Variants in SNTG1 observed in about 807,000 individuals in gnomAD.
The protein encoded by SNTG1 is gamma-1-syntrophin.
Under a neutral mutation model 74.7 loss-of-function variants are expected in SNTG1, and 39 were observed. The ratio of observed to expected loss-of-function variants is 0.52; its 90% CI spans 0.40 to 0.68. The LOEUF is 0.68. Among genes scored for constraint, SNTG1 ranks in the 30% least tolerant of loss-of-function variants. The pLI is 0.00. For synonymous variants in SNTG1, 254 were observed against 217.1 expected, an observed-to-expected ratio of 1.17 and a Z score of -1.49; for missense variants, 685 against 609.5, an observed-to-expected ratio of 1.12 and a Z score of -1.30.
chr8:50,113,688 T>A (rs1257086346), intron 1 of SNTG1, among the ~76,000 whole-genome samples: 1 of 152,198 alleles, frequency 6.6e-6, no homozygotes, highest in Non-Finnish European at 1.5e-5. Context: ...GCTTCCAGTT[T>A]TTGCCCATTC....
intron 1 of SNTG1, among the ~76,000 whole-genome samples, chr8:50,087,609 T>C (rs1020544396): frequency 2.0e-5 from 3 of 152,176 alleles, no homozygotes; most frequent in African/African-American, 7.2e-5. Context: ...ATATTCTACT[T>C]AGTTCTGTGT....
At chr8:50,562,354 T>G (rs2094493358) in intron 12 of SNTG1, among the ~76,000 whole-genome samples, 1 of 152,204 alleles carries the variant, frequency 6.6e-6, no homozygotes, top group Admixed American at 6.5e-5. Flanking sequence ...TGTGATTCTC[T>G]ACAAGTGTAA....
chr8:50,577,661 G>A (rs545246354), intron 12 of SNTG1, among the ~76,000 whole-genome samples: 1 of 152,132 alleles, frequency 6.6e-6, no homozygotes, highest in South Asian at 2.1e-4. Context: ...GGAACACTGT[G>A]TTATATGTTG....
intron 2 of SNTG1, among the ~76,000 whole-genome samples, chr8:50,305,129 G>A (rs1217595132): frequency 6.6e-6 from 1 of 150,690 alleles, no homozygotes; most frequent in East Asian, 1.9e-4. Context: ...TCAAACTCCT[G>A]ACCTCAGGTG....
chr8:50,228,243 T>C (rs984259481), intron 2 of SNTG1, among the ~76,000 whole-genome samples: 20 of 151,666 alleles, frequency 1.3e-4, no homozygotes, highest in African/African-American at 4.8e-4. Flanking sequence ...GAAACTAAAA[T>C]ATAAAAAGCA....
At chr8:50,499,398 A>T (rs1281652789) in intron 8 of SNTG1, among the ~76,000 whole-genome samples, 2 of 149,014 alleles carry the variant, frequency 1.3e-5, no homozygotes, top group African/African-American at 4.9e-5. Flanking sequence ...TGCTAGAAAG[A>T]TTAGTTATGA....
At chr8:50,171,491 A>G (rs1449368759) in intron 1 of SNTG1, among the ~76,000 whole-genome samples, 2 of 152,096 alleles carry the variant, frequency 1.3e-5, no homozygotes, top group African/African-American at 4.8e-5. Flanking sequence ...AGCTGATTAG[A>G]TTGTGCCCAT....
intron 1 of SNTG1, among the ~76,000 whole-genome samples, chr8:49,991,314 A>G (rs1329597135): frequency 6.6e-6 from 1 of 152,144 alleles, no homozygotes; most frequent in African/African-American, 2.4e-5. Context: ...GGGATATGAA[A>G]AAATTGGAGC....
intron 2 of SNTG1, among the ~76,000 whole-genome samples, chr8:50,222,303 C>T (rs1335217120): frequency 6.6e-6 from 1 of 152,126 alleles, no homozygotes; most frequent in South Asian, 2.1e-4. Context: ...GAGGGAGGGG[C>T]TACTATCATT....
chr8:50,047,961 T>C (rs1210731581), intron 1 of SNTG1, among the ~76,000 whole-genome samples: 1 of 152,192 alleles, frequency 6.6e-6, no homozygotes, highest in Non-Finnish European at 1.5e-5. Context: ...ATAATCATAC[T>C]AATTTCAAGG....
intron 2 of SNTG1, among the ~76,000 whole-genome samples, chr8:50,328,582 C>A (rs559607050): frequency 2.0e-4 from 31 of 152,258 alleles, no homozygotes; most frequent in Admixed American, 1.7e-3. Flanking sequence ...ACCATCAGAT[C>A]TCATGAGAAT....
intron 2 of SNTG1, among the ~76,000 whole-genome samples, chr8:50,176,695 C>T (rs2083011827): frequency 6.6e-6 from 1 of 152,130 alleles, no homozygotes; most frequent in Non-Finnish European, 1.5e-5. Flanking sequence ...AACTGGTGTA[C>T]CACAATGTAT....
chr8:50,526,630 A>C (rs1185175089), intron 9 of SNTG1, among the ~76,000 whole-genome samples: 1 of 127,208 alleles, frequency 7.9e-6, no homozygotes, highest in Admixed American at 8.9e-5. Context: ...TGTATACACA[A>C]ACACATATAT....
Position 49,960,965 on chromosome 8 carries a change from G to T in SNTG1, c.-103+48734G>T, listed in dbSNP as rs141740123. 3.7e-3 allele frequency among the ~76,000 whole-genome samples: 567 copies of T among 152,274 alleles called. 7 individuals are homozygous for T. The highest frequency in any genetic ancestry group is 0.011 in the African/African-American group (469 of 41,564). On this transcript the variant is annotated intron_variant, in intron 1 of 18. Transcript: ENST00000642720. ...GGAAGAGCATTATCAGGAGCGGAAA[G>T]TTACCTGTATAGGAAAATGTGCTTT...
At chr8:50,575,357 C>G (rs1460315643) in intron 12 of SNTG1, among the ~76,000 whole-genome samples, 1 of 152,148 alleles carries the variant, frequency 6.6e-6, no homozygotes, top group Non-Finnish European at 1.5e-5. Flanking sequence ...GCCAAACACA[C>G]CTACTTCTAA....
At chr8:50,203,360 GTTTCTC>G (rs2084065545) in intron 2 of SNTG1, among the ~76,000 whole-genome samples, 2 of 152,164 alleles carry the variant, frequency 1.3e-5, no homozygotes, top group Admixed American at 1.3e-4. Flanking sequence ...AATCTCAGCT[GTTTCTC>G]TGTGTTCACC....
chr8:50,195,213 G>A (rs1289366296), intron 2 of SNTG1, among the ~76,000 whole-genome samples: 1 of 151,968 alleles, frequency 6.6e-6, no homozygotes, highest in Admixed American at 6.6e-5. Context: ...AGGTCATCAG[G>A]GAAGTGGGGG....
At chr8:50,344,821 C>T (rs1195951283) in intron 2 of SNTG1, among the ~76,000 whole-genome samples, 1 of 152,328 alleles carries the variant, frequency 6.6e-6, no homozygotes, top group East Asian at 1.9e-4. Context: ...ACAGCCCTAA[C>T]CCCTAGTACC....
chr8:50,509,327 T>G (rs1218572982), intron 9 of SNTG1, among the ~76,000 whole-genome samples: 1 of 152,192 alleles, frequency 6.6e-6, no homozygotes, highest in Non-Finnish European at 1.5e-5. Context: ...ACTGTAGCCT[T>G]GTAGTTTGAA....
Sources: gnomAD v4.1 joint callset for allele counts (sites outside exome capture counted in the v4.1 genomes callset) on GRCh38, gnomAD v4.1.1 for gene constraint, MANE v1.5 for transcripts, NCBI Gene and HGNC (gene_info 2026-07-23, HGNC 2026-07-21) for gene names.